The following LUZP2 variants were observed in gnomAD, a reference collection of about 807,000 sequenced individuals.
The protein encoded by LUZP2 is leucine zipper protein 2.
LUZP2 carries 52 observed loss-of-function variants against 51.6 expected under a neutral mutation model. The ratio of observed to expected loss-of-function variants is 1.01; its 90% confidence interval spans 0.81 to 1.27. The LOEUF (loss-of-function observed/expected upper bound fraction) is 1.27, where lower values mean the gene tolerates loss of function less well. Ranked by LOEUF, LUZP2 falls within the 50% of genes most tolerant of loss-of-function variation. LUZP2 has a pLI of 0.00. For missense variants in LUZP2, 436 were observed against 395.4 expected (o/e 1.10, Z -0.87); for synonymous variants, 154 against 137.3 (o/e 1.12, Z -0.85).
chr11:24,797,434 T>G (rs1564905498), intron 5 of LUZP2, among the ~76,000 whole-genome samples: 1 of 152,180 alleles, frequency 6.6e-6, no homozygotes, highest in Non-Finnish European at 1.5e-5. Flanking sequence ...TAATCTCCTT[T>G]TATCCTAGAA....
chr11:24,718,669 C>T (rs559660814), intron 1 of LUZP2, among the ~76,000 whole-genome samples: 1 of 152,128 alleles, frequency 6.6e-6, no homozygotes, highest in South Asian at 2.1e-4. Flanking sequence ...TCAGTCAAAG[C>T]ATTCAATTTT....
intron 7 of LUZP2, among the ~76,000 whole-genome samples, chr11:24,925,040 A>G (rs1854185543): frequency 6.6e-6 from 1 of 152,218 alleles, no homozygotes; most frequent in African/African-American, 2.4e-5. Context: ...AGGATTCTTT[A>G]CAGAATATAG....
chr11:24,862,069 A>G (rs774224378), intron 5 of LUZP2, among the ~76,000 whole-genome samples: 7 of 151,846 alleles, frequency 4.6e-5, no homozygotes, highest in Middle Eastern at 3.2e-3. Context: ...TTATCCCACC[A>G]CTCTGACTGA....
intron 5 of LUZP2, among the ~76,000 whole-genome samples, chr11:24,780,339 C>T (rs191725467): frequency 2.0e-5 from 3 of 152,230 alleles, no homozygotes; most frequent in East Asian, 3.9e-4. Context: ...TATCACACTA[C>T]TTCTGAGTCC....
intron 9 of LUZP2, among the ~76,000 whole-genome samples, chr11:24,995,342 C>T (rs1450872331): frequency 6.6e-6 from 1 of 152,086 alleles, no homozygotes; most frequent in African/African-American, 2.4e-5. Context: ...GCAGTGAGCA[C>T]AGATTGCACC....
chr11:24,830,939 A>G (rs977403373), intron 5 of LUZP2, among the ~76,000 whole-genome samples: 2 of 152,146 alleles, frequency 1.3e-5, no homozygotes, highest in Non-Finnish European at 2.9e-5. Flanking sequence ...GCTTGCAGTA[A>G]GCCGAGATCC....
At chr11:24,505,722 C>T (rs1850127591) in intron 1 of LUZP2, among the ~76,000 whole-genome samples, 1 of 151,950 alleles carries the variant, frequency 6.6e-6, no homozygotes. Context: ...CCTTCAAGAA[C>T]ATGCAGATAA....
Position 24,805,123 on chromosome 11 carries a change from A to G in LUZP2, c.396+41815A>G, listed in dbSNP as rs374282743. 1.1e-4 allele frequency among the ~76,000 whole-genome samples: 17 copies of G among 152,136 alleles called. No individual in the cohort carries two copies. In the East Asian group the frequency reaches 2.9e-3, roughly 26 times the overall value. On this transcript the variant is annotated intron_variant, in intron 5 of 11. Transcript: ENST00000336930. ...AGTGGTTTAATCAACTAACAGATCC[A>G]CATGACTGGAGAGGCCTCACAATCA...
chr11:24,738,669 G>A (rs548655708), intron 4 of LUZP2, among the ~76,000 whole-genome samples: 4 of 152,128 alleles, frequency 2.6e-5, no homozygotes, highest in African/African-American at 9.6e-5. Context: ...CACATCCACT[G>A]AATAAGGATC....
intron 1 of LUZP2, among the ~76,000 whole-genome samples, chr11:24,638,613 A>AT (rs1259693557): frequency 3.3e-5 from 5 of 151,652 alleles, no homozygotes; most frequent in South Asian, 4.1e-4. Context: ...TTAACTTGGA[A>AT]TTTTTTCTAA....
At chr11:24,803,938 T>C (rs2716468) in intron 5 of LUZP2, among the ~76,000 whole-genome samples, 1,722 of 128,578 alleles carry the variant, frequency 0.013, 26 homozygotes, top group African/African-American at 0.048. Flanking sequence ...ACTGGAAACA[T>C]AGGAGATTAG....
chr11:24,589,959 C>T (rs555984171), intron 1 of LUZP2, among the ~76,000 whole-genome samples: 1 of 152,036 alleles, frequency 6.6e-6, no homozygotes, highest in Non-Finnish European at 1.5e-5. Flanking sequence ...AGTGCTTTAT[C>T]CTAAGTTTGA....
chr11:24,534,419 AG>A (rs1405613817), intron 1 of LUZP2, among the ~76,000 whole-genome samples: 1 of 149,476 alleles, frequency 6.7e-6, no homozygotes, highest in African/African-American at 2.5e-5. Flanking sequence ...TTCTACATAT[AG>A]AAAGATTACA....
intron 1 of LUZP2, among the ~76,000 whole-genome samples, chr11:24,671,128 T>C (rs1856388832): frequency 6.6e-6 from 1 of 151,936 alleles, no homozygotes; most frequent in Non-Finnish European, 1.5e-5. Context: ...ATTTATATTA[T>C]TAATTTAGGT....
intron 4 of LUZP2, among the ~76,000 whole-genome samples, chr11:24,746,546 G>T (rs890858955): frequency 2.0e-5 from 3 of 152,198 alleles, no homozygotes; most frequent in Admixed American, 2.0e-4. Context: ...TGATCTTTTT[G>T]TGATGAATTT....
intron 5 of LUZP2, among the ~76,000 whole-genome samples, chr11:24,814,917 G>A (rs1850130168): frequency 2.0e-5 from 3 of 151,568 alleles, no homozygotes; most frequent in Admixed American, 2.0e-4. Flanking sequence ...ACATGAACCC[G>A]GGAGGTGGAG....
chr11:25,015,021 T>G (rs1857108139), intron 9 of LUZP2, among the ~76,000 whole-genome samples: 1 of 152,188 alleles, frequency 6.6e-6, no homozygotes, highest in Non-Finnish European at 1.5e-5. Context: ...CTTTCCCCAT[T>G]TCTTGTTTTT....
At chr11:24,614,705 C>G (rs1355165835) in intron 1 of LUZP2, among the ~76,000 whole-genome samples, 1 of 152,092 alleles carries the variant, frequency 6.6e-6, no homozygotes, top group African/African-American at 2.4e-5. Context: ...GGACACATAG[C>G]TCAATCTTCT....
chr11:24,549,700 AT>A (rs1476342235), intron 1 of LUZP2, among the ~76,000 whole-genome samples: 2 of 152,070 alleles, frequency 1.3e-5, no homozygotes, highest in Non-Finnish European at 2.9e-5. Context: ...CTCCATTGTA[AT>A]CTTATGAGAC....
Sources: allele counts gnomAD v4.1 joint callset (sites outside exome capture counted in the v4.1 genomes callset), GRCh38; gene constraint gnomAD v4.1.1; transcripts MANE v1.5; gene names NCBI Gene and HGNC (gene_info 2026-07-23, HGNC 2026-07-21).